The following ZNF837 variants were observed in gnomAD, a reference collection of about 807,000 sequenced individuals.
The protein encoded by ZNF837 is zinc finger protein 837.
For synonymous variants in ZNF837, 475 were observed against 365.2 expected, an observed-to-expected ratio of 1.30 and a Z score of -3.43; for missense variants, 955 against 801.7, an observed-to-expected ratio of 1.19 and a Z score of -2.31.
chr19:58,374,656 T>A (rs2052226835), intron 1 of ZNF837, among the ~76,000 whole-genome samples: 1 of 152,096 alleles, frequency 6.6e-6, no homozygotes, highest in African/African-American at 2.4e-5. Flanking sequence ...TACTAAAACC[T>A]GGCCAGGCGG....
rs768387468 is a variant in ZNF837 at position 58,368,647 on chromosome 19, C to T, written c.686G>A (p.Arg229Gln). Reference protein sequence around the residue: ...QATEEPRPCARCGKRFRPNQQ... With the variant: ...QATEEPRPCAQCGKRFRPNQQ... ...GTTGGGGCGGAAGCGCTTCCCGCAC[C>T]GGGCACACGGACGGGGCTCCTCCGT... Residue 229 changes from arginine to glutamine, a missense_variant, in exon 3 of 3, where the codon CGG becomes CAG. Coordinates refer to ENST00000597582, the MANE Select transcript of ZNF837 (RefSeq NM_138466.2). 1.1e-5 allele frequency: 17 copies of T among 1,529,286 alleles called. No homozygotes were observed. Among genetic ancestry groups the T allele is most frequent in the South Asian group, 6.0e-5 (5 of 83,214 alleles). 94.7% of individuals were successfully genotyped at this position (1,529,286 alleles called of 1,614,324 possible).
chr19:58,368,367 C>T lies in ZNF837; in HGVS notation c.966G>A (p.Ser322=), dbSNP rs1229604450. ...CGGGGCCACGCCGGTGGCGCTCGGC[C>T]GAGTGCGTCTTCTGGTGGCGGTACA... The part of the protein sequence containing the change: ...SGLYRHQKTH[S]AERHRRGPVL... The change falls in exon 3 of 3, where the codon TCG becomes TCA. Residue 322 remains serine, a synonymous_variant. Coordinates refer to ENST00000597582, the MANE Select transcript of ZNF837 (RefSeq NM_138466.2). 2.6e-6 allele frequency: 4 copies of T among 1,530,148 alleles called. No individual in the cohort carries two copies. The South Asian group carries it at 3.6e-5, about 14-fold the overall frequency. The allele number at this position is 1,530,148 out of a possible 1,614,324, so 94.8% of individuals were successfully genotyped here.
chr19:58,378,907 G>A (rs982258940), intron 1 of ZNF837, among the ~76,000 whole-genome samples: 3 of 152,136 alleles, frequency 2.0e-5, no homozygotes, highest in East Asian at 1.9e-4. Flanking sequence ...GCCAGAAGCC[G>A]GAAGAGGCAA....
intron 1 of ZNF837, among the ~76,000 whole-genome samples, chr19:58,374,660 C>T (rs2052226850): frequency 6.6e-6 from 1 of 152,124 alleles, no homozygotes; most frequent in South Asian, 2.1e-4. Context: ...AAAACCTGGC[C>T]AGGCGGTGGT....
rs990027015 is a variant in ZNF837, at chr19:58,368,330, G to A, written c.1003C>T (p.Arg335Cys). The change falls in exon 3 of 3, where the codon CGC becomes TGC. Residue 335 changes from arginine to cysteine, a missense_variant. Physicochemically the swap from Arg to Cys is radical, Grantham distance 180. Coordinates refer to ENST00000597582, the MANE Select transcript of ZNF837 (RefSeq NM_138466.2). The part of the protein sequence containing the change: ...RHRRGPVLAR[R>C]AFRLGCPPCG... The stretch of plus-strand genomic sequence containing the variant: ...GGCGGGCACCCCAGCCGGAAGGCGC[G>A]CCGCGCCAGGACGGGGCCACGCCGG... 1 of 1,504,646 alleles carries A rather than the reference G, an allele frequency of 6.6e-7. No individual in the cohort carries two copies. The highest frequency in any genetic ancestry group is 8.8e-7 in the Non-Finnish European group (1 of 1,134,676). The allele number at this position is 1,504,646 out of a possible 1,614,324, so 93.2% of individuals were successfully genotyped here. A position where few individuals can be genotyped will look rare whatever the true frequency, so the allele number is the denominator to read the frequency against.
chr19:58,369,960 A>G (rs1035820689), intron 1 of ZNF837, 32 bp from the exon 2 acceptor site: 4 of 152,178 alleles, frequency 2.6e-5, no homozygotes, highest in African/African-American at 9.7e-5. Flanking sequence ...GGTAAGTATA[A>G]CCAGCTGAGT....
chr19:58,368,130 G>A lies in ZNF837; in HGVS notation c.1203C>T (p.Asn401=). The stretch of plus-strand genomic sequence containing the variant: ...GGTGCCGGCTCAGGTTCGAGCGCTG[G>A]TTGAAGGCCTTGCCGCACTCGGGGC... ...YACPECGKAF[N]QRSNLSRHQR... The change falls in exon 3 of 3, where the codon AAC becomes AAT. Residue 401 remains asparagine, a synonymous_variant. Transcript: ENST00000597582. The A allele has an allele frequency of 6.3e-7, 1 of 1,583,972 alleles. No homozygotes were observed. The highest frequency in any genetic ancestry group is 2.3e-5 in the East Asian group (1 of 43,440).
At chr19:58,374,945 TTATA>T (rs896052435) in intron 1 of ZNF837, among the ~76,000 whole-genome samples, 2 of 113,686 alleles carry the variant, frequency 1.8e-5, no homozygotes, top group Non-Finnish European at 3.7e-5. Context: ...AAAAAAAAAA[TTATA>T]TATATATATA....
At position 58,375,533 on chromosome 19, in the gene ZNF837, T is replaced by C. The variant is rs570875714; in HGVS notation, c.-140+5408A>G. Reference sequence around the variant, plus strand: ...TGTGATCTCAGCTCACTGCAACCTCTGCCTCCCGCGTTCAAGCAAGTCTCC... The same window carrying C: ...TGTGATCTCAGCTCACTGCAACCTCCGCCTCCCGCGTTCAAGCAAGTCTCC... On this transcript the variant is annotated intron_variant, in intron 1 of 2. Transcript: ENST00000597582. Among the ~76,000 whole-genome samples the C allele has an allele frequency of 3.0e-4, 46 of 151,582 alleles. No homozygotes were observed. The South Asian group carries it at 9.6e-3, about 32-fold the overall frequency.
chr19:58,368,734 C>T lies in ZNF837; in HGVS notation c.599G>A (p.Cys200Tyr). The change falls in exon 3 of 3, where the codon TGC becomes TAC. Residue 200 changes from cysteine (C) to tyrosine (Y), a missense_variant. Physicochemically the swap from Cys to Tyr is radical, Grantham distance 194. Transcript: ENST00000597582. ...RNPLVEQPRA[C>Y]ACGEAFAWRA... ...CCACGCAAAGGCCTCGCCGCACGCGCAAGCCCGGGGCTGCTCCACCAAGGG... is the reference window on the plus strand; with the variant it reads ...CCACGCAAAGGCCTCGCCGCACGCGTAAGCCCGGGGCTGCTCCACCAAGGG... 3 of 1,537,578 alleles carry T rather than the reference C, an allele frequency of 2.0e-6. No homozygotes were observed. Among genetic ancestry groups the T allele is most frequent in the South Asian group, 1.2e-5 (1 of 83,974 alleles).
chr19:58,375,314 A>ATATATG (rs2052235827), intron 1 of ZNF837, among the ~76,000 whole-genome samples: 1 of 36,178 alleles, frequency 2.8e-5, no homozygotes, highest in Non-Finnish European at 1.1e-4. Context: ...ATATATATAA[A>ATATATG]ATTACATATA....
At chr19:58,370,982 C>T (rs549031926) in intron 1 of ZNF837, among the ~76,000 whole-genome samples, 1 of 151,794 alleles carries the variant, frequency 6.6e-6, no homozygotes, top group South Asian at 2.1e-4. Context: ...TGGCTCACGC[C>T]TGTAATCCCA....
intron 1 of ZNF837, among the ~76,000 whole-genome samples, chr19:58,377,280 G>A (rs2052256999): frequency 6.6e-6 from 1 of 151,564 alleles, no homozygotes; most frequent in African/African-American, 2.4e-5. Context: ...TGGGAGGTGG[G>A]CAGATCACGA....
At chr19:58,371,266 G>T (rs1458914132) in intron 1 of ZNF837, among the ~76,000 whole-genome samples, 2 of 146,796 alleles carry the variant, frequency 1.4e-5, no homozygotes, top group Non-Finnish European at 3.0e-5. Context: ...AAAATTGCCG[G>T]GCATGGTGAT....
In ZNF837 at chr19:58,368,660, G is replaced by T; in HGVS notation, c.673C>A (p.Arg225Ser). ...CGCTTCCCGCACCGGGCACACGGACGGGGCTCCTCCGTCGCCTGCAGCCTC... is the reference window on the plus strand; with the variant it reads ...CGCTTCCCGCACCGGGCACACGGACTGGGCTCCTCCGTCGCCTGCAGCCTC... ...QERLQATEEP[R>S]PCARCGKRFR... Residue 225 changes from arginine (R) to serine (S), a missense_variant, in exon 3 of 3, where the codon CGT becomes AGT. By Grantham distance (110) the Arg-to-Ser change is moderately radical (BLOSUM62 -1). Coordinates refer to ENST00000597582, the MANE Select transcript of ZNF837 (RefSeq NM_138466.2). The T allele has an allele frequency of 6.5e-7, 1 of 1,529,414 alleles. No homozygotes were observed. Among genetic ancestry groups the T allele is most frequent in the Non-Finnish European group, 8.8e-7 (1 of 1,142,552 alleles). 94.7% of individuals were successfully genotyped at this position (1,529,414 alleles called of 1,614,324 possible).
rs1267842860 is a variant in ZNF837, at chr19:58,368,055, CT to C, written c.1277del (p.Lys426ArgfsTer?). Reference sequence around the variant, plus strand: ...CCAGGCCCGAGCGGCCCTTGAAGGCCTTTTCGCACAGTGGGCACGCGTAGGG... The same window carrying C: ...CCAGGCCCGAGCGGCCCTTGAAGGCCTTTCGCACAGTGGGCACGCGTAGGG... ...AKPYACPLCE[K>X]AFKGRSGLVQ... On this transcript the variant is annotated frameshift_variant, in exon 3 of 3. Transcript: ENST00000597582. LOFTEE classifies it low-confidence loss of function (END_TRUNC). 2.6e-6 allele frequency: 4 copies of C among 1,541,478 alleles called. No individual in the cohort carries two copies. The highest frequency in any genetic ancestry group is 3.5e-6 in the Non-Finnish European group (4 of 1,147,434).
chr19:58,377,420 T>C (rs12609270), intron 1 of ZNF837, among the ~76,000 whole-genome samples: 76,118 of 148,762 alleles, frequency 0.51, 19,353 homozygotes, highest in Middle Eastern at 0.57. Context: ...GCGGAGCTTG[T>C]AGTGAGCCGA....
intron 1 of ZNF837, among the ~76,000 whole-genome samples, chr19:58,375,312 A>ATATATAT (rs1491369524): frequency 7.8e-5 from 3 of 38,704 alleles, no homozygotes; most frequent in East Asian, 1.3e-3. Context: ...ATATATATAT[A>ATATATAT]AAATTACATA....
chr19:58,370,527 A>G (rs186279286), intron 1 of ZNF837, among the ~76,000 whole-genome samples: 135 of 152,316 alleles, frequency 8.9e-4, no homozygotes, highest in African/African-American at 3.2e-3. Context: ...TGCTTACAAC[A>G]GTGGACTTTG....
Sources: allele counts gnomAD v4.1 joint callset (sites outside exome capture counted in the v4.1 genomes callset), GRCh38; gene constraint gnomAD v4.1.1; transcripts MANE v1.5; gene names NCBI Gene and HGNC (gene_info 2026-07-23, HGNC 2026-07-21).